OARD1: variants seen among roughly 807,000 people sequenced by gnomAD.
OARD1 encodes the protein O-acyl-ADP-ribose deacylase 1.
Under a neutral mutation model 19.7 loss-of-function variants are expected in OARD1, and 19 were observed. That is an observed-to-expected ratio of 0.96 (90% CI 0.67 to 1.41). OARD1 has a LOEUF of 1.41. OARD1 is among the 40% of genes most tolerant of loss of function. The pLI, the probability that OARD1 is intolerant of heterozygous loss-of-function variation, is 0.00. For missense variants in OARD1, 190 were observed against 183.8 expected (o/e 1.03, Z -0.20); for synonymous variants, 70 against 61.8 (o/e 1.13, Z -0.62).
intron 1 of OARD1, chr6:41,090,121 TA>T: frequency 1.0e-6 from 1 of 958,590 alleles, no homozygotes; most frequent in Non-Finnish European, 1.6e-6. Flanking sequence ...CTCAAAAAAA[TA>T]ATTTTTTTTT....
intron 1 of OARD1, chr6:41,092,815 T>C: frequency 7.7e-7 from 1 of 1,290,944 alleles, no homozygotes; most frequent in East Asian, 2.3e-5. Context: ...TTACTTTTTG[T>C]GGCATTTACA....
intron 1 of OARD1, among the ~76,000 whole-genome samples, chr6:41,090,745 G>T (rs750949321): frequency 6.6e-6 from 1 of 152,142 alleles, no homozygotes; most frequent in Non-Finnish European, 1.5e-5. Flanking sequence ...CTCTAGTCTA[G>T]TAAGAAAGAC....
chr6:41,077,118 C>T (rs116633305), upstream of OARD1, among the ~76,000 whole-genome samples: 3 of 152,212 alleles, frequency 2.0e-5, no homozygotes, highest in Non-Finnish European at 4.4e-5. Flanking sequence ...ATGTAAACTT[C>T]TGGATATTAG....
At chr6:41,085,047 C>A (rs1451928300) in intron 1 of OARD1, among the ~76,000 whole-genome samples, 1 of 151,502 alleles carries the variant, frequency 6.6e-6, no homozygotes, top group Non-Finnish European at 1.5e-5. Flanking sequence ...TATTTCTCAT[C>A]GAGATGGCAA....
chr6:41,097,277 TGGG>T (rs1436581445), intron 1 of OARD1: 111 of 1,295,954 alleles, frequency 8.6e-5, no homozygotes, highest in Non-Finnish European at 1.2e-4. Flanking sequence ...TGTATTCTCT[TGGG>T]GGGATAAGTA....
chr6:41,092,912 A>C, intron 1 of OARD1: 1 of 1,613,052 alleles, frequency 6.2e-7, no homozygotes, highest in Non-Finnish European at 8.5e-7. Context: ...GTTCACACAG[A>C]TGGTTCCTGG....
In OARD1 at chr6:41,065,322, T is replaced by C. The variant is rs1479775251; in HGVS notation, c.*2013A>G. 2.0e-5 allele frequency: 3 copies of C among 152,228 alleles called. No homozygotes were observed. The highest frequency in any genetic ancestry group is 4.4e-5 in the Non-Finnish European group (3 of 68,048). 9.4% of individuals were successfully genotyped at this position (152,228 alleles called of 1,614,324 possible). On this transcript the variant is annotated 3_prime_UTR_variant, in exon 6 of 6. Coordinates refer to ENST00000424266, the MANE Select transcript of OARD1 (RefSeq NM_001329686.2). Reference sequence around the variant, plus strand: ...ATGGTACTCAATTTACAATGGTTTGTCTTGCAATTTTTGGACTTTACAACG... The same window carrying C: ...ATGGTACTCAATTTACAATGGTTTGCCTTGCAATTTTTGGACTTTACAACG...
At chr6:41,073,567 C>G (rs1436641143), upstream of OARD1, among the ~76,000 whole-genome samples, 2 of 151,900 alleles carry the variant, frequency 1.3e-5, no homozygotes, top group Non-Finnish European at 2.9e-5. Context: ...CCCGCGCCCC[C>G]CGCTCCCCGC....
chr6:41,067,431 T>A lies in OARD1; in HGVS notation c.363A>T (p.Gly121=), dbSNP rs1265139874. The A allele has an allele frequency of 1.2e-6, 2 of 1,611,496 alleles. No homozygotes were observed. The highest frequency in any genetic ancestry group is 4.5e-5 in the East Asian group (2 of 44,852). ...CCCATTGCAGACGATCAAGACCACA[T>A]CCAATCCTGAAAAAGACAAAATATC... ...GVTDLSMPRI[G]CGLDRLQWEN... The change falls in exon 6 of 6, where the codon GGA becomes GGT. Residue 121 remains glycine (G), a synonymous_variant. Transcript: ENST00000424266.
chr6:41,081,386 A>T (rs1005080217), intron 1 of OARD1, among the ~76,000 whole-genome samples: 2 of 152,100 alleles, frequency 1.3e-5, no homozygotes, highest in Admixed American at 1.3e-4. Context: ...GCTACTTGGG[A>T]GGCTGGAGCA....
rs1286235688 is a variant in OARD1, at chr6:41,064,834, T to C, written c.*2501A>G. The C allele has an allele frequency of 6.6e-6, 1 of 152,144 alleles. No individual in the cohort carries two copies. Among genetic ancestry groups the C allele is most frequent in the Non-Finnish European group, 1.5e-5 (1 of 68,034 alleles). 9.4% of individuals were successfully genotyped at this position (152,144 alleles called of 1,614,324 possible). On this transcript the variant is annotated 3_prime_UTR_variant, in exon 6 of 6. Transcript: ENST00000424266. ...GAGCGGGTGAAAAGTAGTAGTTTAA[T>C]GTTCAGATATACAATCATTTAAAAG... is the stretch of plus-strand genomic sequence containing the variant.
chr6:41,083,057 A>G (rs946442113), intron 1 of OARD1, among the ~76,000 whole-genome samples: 2 of 152,252 alleles, frequency 1.3e-5, no homozygotes, highest in African/African-American at 4.8e-5. Context: ...TATTTCAGTC[A>G]TGAATATTCT....
chr6:41,097,241 C>T, intron 1 of OARD1: 1 of 888,278 alleles, frequency 1.1e-6, no homozygotes, highest in Non-Finnish European at 1.8e-6. Flanking sequence ...GTATTACAAG[C>T]CTTTGATTTA....
At chr6:41,091,830 A>G (rs1200773242) in intron 1 of OARD1, 5 of 942,628 alleles carry the variant, frequency 5.3e-6, no homozygotes, top group Admixed American at 2.7e-5. Flanking sequence ...TACTTTGACA[A>G]TAACATTATG....
chr6:41,071,332 G>A, intron 2 of OARD1, 56 bp from the exon 3 acceptor site: 1 of 1,531,690 alleles, frequency 6.5e-7, no homozygotes, highest in East Asian at 2.3e-5. Context: ...AAAATACTAA[G>A]CTATTTTTCT....
chr6:41,072,071 G>C (rs1345842754), intron 1 of OARD1, among the ~76,000 whole-genome samples, 165 bp downstream of exon 1: 1 of 152,234 alleles, frequency 6.6e-6, no homozygotes, highest in Non-Finnish European at 1.5e-5. Context: ...CTTGGCCACA[G>C]TCCCGTTAAG....
At chr6:41,090,205 C>G in intron 1 of OARD1, 3 of 1,605,550 alleles carry the variant, frequency 1.9e-6, no homozygotes, top group South Asian at 2.2e-5. Context: ...TTCCTCCAGA[C>G]ACAGCAGCAG....
chr6:41,082,891 A>T (rs754162058), intron 1 of OARD1, among the ~76,000 whole-genome samples: 6 of 152,186 alleles, frequency 3.9e-5, no homozygotes, highest in Non-Finnish European at 8.8e-5. Flanking sequence ...TTAGGATTTC[A>T]ATGTTCCTGG....
At chr6:41,067,748 T>C (rs1763095928) in intron 5 of OARD1, among the ~76,000 whole-genome samples, 1 of 152,224 alleles carries the variant, frequency 6.6e-6, no homozygotes, top group African/African-American at 2.4e-5. Context: ...CTATGACTAC[T>C]GACTAAAATT....
Sources: allele counts gnomAD v4.1 joint callset (sites outside exome capture counted in the v4.1 genomes callset), GRCh38; gene constraint gnomAD v4.1.1; transcripts MANE v1.5; gene names NCBI Gene and HGNC (gene_info 2026-07-23, HGNC 2026-07-21).